Variants in NBAS observed in about 807,000 individuals in gnomAD.
The protein encoded by NBAS is NBAS subunit of NRZ tethering complex, also known as NAG/BC035112 fusion.
In NBAS, 219 loss-of-function variants were observed where a neutral mutation model predicts 302.5. The observed-to-expected ratio is 0.72, with a 90% CI of 0.65 to 0.81. The LOEUF (loss-of-function observed/expected upper bound fraction) is 0.81, where lower values mean the gene tolerates loss of function less well. NBAS is among the 30% of genes least tolerant of loss of function. The probability of loss-of-function intolerance (pLI) is 0.00; values close to 1 mark genes in which losing one functional copy is unlikely to be tolerated. For synonymous variants in NBAS, 1,118 were observed against 1,021.6 expected (o/e 1.09, Z -1.80); for missense variants, 2,932 against 2,841.6 (o/e 1.03, Z -0.72).
At chr2:15,550,516 A>C (rs1664327261) in intron 6 of NBAS, among the ~76,000 whole-genome samples, 1 of 152,210 alleles carries the variant, frequency 6.6e-6, no homozygotes, top group Non-Finnish European at 1.5e-5. Flanking sequence ...TCCTGTAAAT[A>C]AAACATAGGT....
At chr2:15,535,859 C>T (rs1663481076) in intron 8 of NBAS, among the ~76,000 whole-genome samples, 1 of 152,068 alleles carries the variant, frequency 6.6e-6, no homozygotes, top group African/African-American at 2.4e-5. Context: ...TTAGAATAGG[C>T]AAAACTAATC....
the NBAS span, among the ~76,000 whole-genome samples, chr2:14,994,610 C>A: frequency 1.3e-5 from 2 of 152,316 alleles, no homozygotes; most frequent in South Asian, 4.1e-4. Context: ...AGCCTGGGAG[C>A]AGCTATTCCC....
At chr2:15,325,372 C>A (rs1247819499) in intron 38 of NBAS, among the ~76,000 whole-genome samples, 2 of 144,798 alleles carry the variant, frequency 1.4e-5, no homozygotes, top group South Asian at 4.2e-4. Context: ...ATTTAAAAAT[C>A]CTTTATTGCT....
chr2:15,176,198 T>C (rs1664530600), intron 51 of NBAS, among the ~76,000 whole-genome samples: 1 of 152,200 alleles, frequency 6.6e-6, no homozygotes, highest in African/African-American at 2.4e-5. Context: ...CTGAAACTCT[T>C]CCCTTAGAAA....
chr2:15,207,507 A>G (rs775956550), intron 48 of NBAS, among the ~76,000 whole-genome samples: 15 of 152,168 alleles, frequency 9.9e-5, no homozygotes, highest in Admixed American at 3.3e-4. Flanking sequence ...TGAAAGGGAT[A>G]AGAGATTTGG....
the NBAS span, among the ~76,000 whole-genome samples, chr2:14,957,506 A>C: frequency 1.3e-5 from 2 of 152,310 alleles, no homozygotes; most frequent in South Asian, 2.1e-4. Flanking sequence ...TTTGAGGGTG[A>C]AGACACTAGG....
At chr2:14,802,744 A>T in the NBAS span, among the ~76,000 whole-genome samples, 24 of 147,680 alleles carry the variant, frequency 1.6e-4, no homozygotes, top group Non-Finnish European at 3.0e-5. Flanking sequence ...TTGTAGGGAC[A>T]TGGATGAAAT....
At chr2:15,183,972 G>GT (rs1427273478) in intron 50 of NBAS, among the ~76,000 whole-genome samples, 1 of 152,196 alleles carries the variant, frequency 6.6e-6, no homozygotes, top group Non-Finnish European at 1.5e-5. Flanking sequence ...CCCCCTGGCT[G>GT]TAGACACTTA....
chr2:15,032,870 T>C, the NBAS span, among the ~76,000 whole-genome samples: 14 of 152,352 alleles, frequency 9.2e-5, no homozygotes, highest in East Asian at 2.5e-3. Flanking sequence ...ACATGCTCTA[T>C]TCTTCAAGAC....
chr2:15,071,023 C>T, the NBAS span, among the ~76,000 whole-genome samples: 2 of 152,126 alleles, frequency 1.3e-5, no homozygotes, highest in Non-Finnish European at 2.9e-5. Context: ...AGTGACAAAG[C>T]TGGTGTGGCA....
chr2:15,424,487 C>T lies in NBAS; in HGVS notation c.2424-19G>A. On this transcript the variant is annotated intron_variant, in intron 22 of 51. Transcript: ENST00000281513. ...AACCATTCTGTGAAGCACAAAAGGA[C>T]CAATTAATAACTGACTAGAATGTTG... 1 of 1,613,524 alleles carries T rather than the reference C, an allele frequency of 6.2e-7. No individual in the cohort carries two copies. Among genetic ancestry groups the T allele is most frequent in the Non-Finnish European group, 8.5e-7 (1 of 1,179,558 alleles).
At chr2:15,037,074 T>G in the NBAS span, among the ~76,000 whole-genome samples, 1 of 152,078 alleles carries the variant, frequency 6.6e-6, no homozygotes, top group Non-Finnish European at 1.5e-5. Flanking sequence ...GAAACAGTGT[T>G]TTTTGGAGCT....
the NBAS span, among the ~76,000 whole-genome samples, chr2:15,067,428 A>G: frequency 0.022 from 542 of 24,394 alleles, 12 homozygotes; most frequent in African/African-American, 0.034. Context: ...AGGAGGGGAG[A>G]GGAGGGGAGA....
chr2:15,540,591 GCCCT>G (rs1259050945), intron 6 of NBAS, among the ~76,000 whole-genome samples: 2 of 151,882 alleles, frequency 1.3e-5, no homozygotes, highest in African/African-American at 4.8e-5. Flanking sequence ...TATATGAAAG[GCCCT>G]TCCCAAAAGG....
At chr2:14,810,884 G>A in the NBAS span, among the ~76,000 whole-genome samples, 9 of 152,084 alleles carry the variant, frequency 5.9e-5, no homozygotes, top group African/African-American at 1.9e-4. Flanking sequence ...AAAAAATCCT[G>A]TATTTTTACA....
chr2:15,237,489 A>G (rs1415404516), intron 45 of NBAS, among the ~76,000 whole-genome samples: 1 of 152,056 alleles, frequency 6.6e-6, no homozygotes, highest in Non-Finnish European at 1.5e-5. Flanking sequence ...CGTTTAACAA[A>G]AATACAGTGT....
chr2:15,344,067 T>C (rs1164229881), intron 35 of NBAS, among the ~76,000 whole-genome samples: 2 of 148,572 alleles, frequency 1.3e-5, no homozygotes, highest in Non-Finnish European at 3.0e-5. Context: ...AAAACATGGG[T>C]AAAATATTTG....
Position 15,443,296 on chromosome 2 carries a change from T to C in NBAS, c.2340-15502A>G, listed in dbSNP as rs1486849102. On this transcript the variant is annotated intron_variant, in intron 21 of 51. Coordinates refer to ENST00000281513, the MANE Select transcript of NBAS (RefSeq NM_015909.4). ...GAATCCAGCAGCACATCAAAAAGCT[T>C]ATCCACCATGATCAAGTGGGCTTCA... 2.7e-5 allele frequency among the ~76,000 whole-genome samples: 4 copies of C among 150,550 alleles called. 1 individual carries two copies. The East Asian group carries it at 7.9e-4, about 30-fold the overall frequency.
the NBAS span, among the ~76,000 whole-genome samples, chr2:14,848,358 C>T: frequency 3.6e-5 from 5 of 140,086 alleles, no homozygotes; most frequent in Non-Finnish European, 6.0e-5. Context: ...CCGAATATTG[C>T]GCTTTTCAGA....
Sources: allele counts gnomAD v4.1 joint callset (sites outside exome capture counted in the v4.1 genomes callset), GRCh38; gene constraint gnomAD v4.1.1; transcripts MANE v1.5; gene names NCBI Gene and HGNC (gene_info 2026-07-23, HGNC 2026-07-21).